The following KCTD8 variants were observed in gnomAD, a reference collection of about 807,000 sequenced individuals.
The protein encoded by KCTD8 is BTB/POZ domain-containing protein KCTD8.
A neutral mutation model predicts 31.5 loss-of-function variants in KCTD8; 27 were observed. That is an observed-to-expected ratio of 0.86 (90% CI 0.63 to 1.18). The LOEUF is 1.18. Among genes scored for constraint, KCTD8 ranks in the 50% most tolerant of loss-of-function variants. KCTD8 has a pLI of 0.00. For synonymous variants in KCTD8, 290 were observed against 280.0 expected (o/e 1.04, Z -0.36); for missense variants, 658 against 647.7 (o/e 1.02, Z -0.17).
Position 44,448,239 on chromosome 4 carries a change from C to T in KCTD8, c.285G>A (p.Ala95=). 1 of 1,611,412 alleles carries T rather than the reference C, an allele frequency of 6.2e-7. No homozygotes were observed. The highest frequency in any genetic ancestry group is 8.5e-7 in the Non-Finnish European group (1 of 1,179,292). Residue 95 remains alanine (A), a synonymous_variant, in exon 1 of 2, where the codon GCG becomes GCA. Transcript: ENST00000360029. This position sits in a 1 kb window ranked among gnomAD's most constrained non-coding sequence, Gnocchi z 4.1. ...RRGELPRDSR[A]RFFIDRDGFL... is the part of the protein sequence containing the mutation. ...AGCCGTCCCGGTCGATGAAGAAGCG[C>T]GCCCGGCTGTCCCTGGGCAGCTCGC...
chr4:44,403,890 A>C (rs1720724283), intron 1 of KCTD8, among the ~76,000 whole-genome samples: 2 of 152,082 alleles, frequency 1.3e-5, no homozygotes, highest in African/African-American at 4.8e-5. Context: ...AAATGTTTTT[A>C]CAGTGTTTGT....
intron 1 of KCTD8, among the ~76,000 whole-genome samples, chr4:44,363,016 T>A (rs1035685871): frequency 6.6e-6 from 1 of 152,140 alleles, no homozygotes; most frequent in African/African-American, 2.4e-5. Flanking sequence ...TATATGGCTT[T>A]AAATTATTTT....
At chr4:44,305,144 G>T (rs1275566401) in intron 1 of KCTD8, among the ~76,000 whole-genome samples, 1 of 151,306 alleles carries the variant, frequency 6.6e-6, no homozygotes, top group African/African-American at 2.4e-5. Flanking sequence ...AAAAATAAAA[G>T]AACAGAATTC....
intron 1 of KCTD8, among the ~76,000 whole-genome samples, chr4:44,333,811 A>C (rs1474688961): frequency 6.6e-6 from 1 of 152,146 alleles, no homozygotes; most frequent in Admixed American, 6.5e-5. Context: ...CAAAAGCATA[A>C]GGCAAATCCA....
chr4:44,303,061 G>C (rs1480377483), intron 1 of KCTD8, among the ~76,000 whole-genome samples: 1 of 152,184 alleles, frequency 6.6e-6, no homozygotes, highest in African/African-American at 2.4e-5. Context: ...GCATCCCAGG[G>C]ATGAAGCCCA....
At chr4:44,264,449 G>A (rs1716274122) in intron 1 of KCTD8, among the ~76,000 whole-genome samples, 1 of 152,138 alleles carries the variant, frequency 6.6e-6, no homozygotes, top group African/African-American at 2.4e-5. Context: ...TAAAGTCCCA[G>A]AAGGCAACCT....
intron 1 of KCTD8, among the ~76,000 whole-genome samples, chr4:44,419,096 T>C (rs1185668155): frequency 6.6e-6 from 1 of 152,136 alleles, no homozygotes; most frequent in Non-Finnish European, 1.5e-5. Flanking sequence ...TTTTGAATAT[T>C]CCAAATCTCC....
At chr4:44,433,326 G>A (rs1212443389) in intron 1 of KCTD8, among the ~76,000 whole-genome samples, 1 of 151,664 alleles carries the variant, frequency 6.6e-6, no homozygotes, top group Non-Finnish European at 1.5e-5. Flanking sequence ...AGACTCCCAT[G>A]AATTGGAGAT....
chr4:44,381,523 A>C (rs1720066391), intron 1 of KCTD8, among the ~76,000 whole-genome samples: 1 of 152,142 alleles, frequency 6.6e-6, no homozygotes, highest in Non-Finnish European at 1.5e-5. Context: ...GCTATACTTA[A>C]GTCAAATAAA....
intron 1 of KCTD8, among the ~76,000 whole-genome samples, chr4:44,395,343 GC>G (rs1393373137): frequency 1.3e-5 from 2 of 152,082 alleles, no homozygotes; most frequent in African/African-American, 4.8e-5. Flanking sequence ...AGCTGCATAA[GC>G]TAGGGGCCGA....
At chr4:44,309,164 T>C (rs1717883358) in intron 1 of KCTD8, among the ~76,000 whole-genome samples, 1 of 151,848 alleles carries the variant, frequency 6.6e-6, no homozygotes, top group Non-Finnish European at 1.5e-5. Flanking sequence ...GTCCTCCAAA[T>C]AGGGGGAATT....
intron 1 of KCTD8, among the ~76,000 whole-genome samples, chr4:44,220,605 G>A (rs1477286174): frequency 2.6e-5 from 4 of 152,178 alleles, no homozygotes; most frequent in Admixed American, 6.5e-5. Context: ...TCCAAAAAGA[G>A]ATGTATCTTG....
chr4:44,325,976 C>G (rs571018125), intron 1 of KCTD8, among the ~76,000 whole-genome samples: 1 of 152,056 alleles, frequency 6.6e-6, no homozygotes, highest in South Asian at 2.1e-4. Flanking sequence ...TTGAGACAGA[C>G]TTTCTGAATG....
At chr4:44,368,462 T>C (rs958995359) in intron 1 of KCTD8, among the ~76,000 whole-genome samples, 3 of 152,074 alleles carry the variant, frequency 2.0e-5, no homozygotes, top group Non-Finnish European at 2.9e-5. Flanking sequence ...ATTCAACCAA[T>C]TACCACTGAA....
At chr4:44,349,740 A>G (rs985146756) in intron 1 of KCTD8, among the ~76,000 whole-genome samples, 1 of 152,138 alleles carries the variant, frequency 6.6e-6, no homozygotes, top group Non-Finnish European at 1.5e-5. Flanking sequence ...TTTTCCAAGT[A>G]ATTTTCCAAA....
At chr4:44,320,739 C>A (rs2109405812) in intron 1 of KCTD8, among the ~76,000 whole-genome samples, 1 of 145,118 alleles carries the variant, frequency 6.9e-6, no homozygotes, top group East Asian at 2.0e-4. Flanking sequence ...TGCTAATGAA[C>A]ATATAATAAA....
intron 1 of KCTD8, among the ~76,000 whole-genome samples, chr4:44,273,926 T>C (rs1476039299): frequency 6.6e-6 from 1 of 151,928 alleles, no homozygotes; most frequent in Non-Finnish European, 1.5e-5. Context: ...AAACATAGAT[T>C]GTTATTATCT....
chr4:44,214,266 C>T (rs542634685), intron 1 of KCTD8, among the ~76,000 whole-genome samples: 1 of 152,220 alleles, frequency 6.6e-6, no homozygotes, highest in South Asian at 2.1e-4. Flanking sequence ...TGTAGCCCAG[C>T]CAAAGGAGCT....
intron 1 of KCTD8, among the ~76,000 whole-genome samples, chr4:44,276,007 A>G (rs1336541888): frequency 6.6e-6 from 1 of 152,018 alleles, no homozygotes; most frequent in Non-Finnish European, 1.5e-5. Context: ...TTCTTATTTC[A>G]TGAGAGTCAG....
Sources: gnomAD v4.1 joint callset for allele counts (sites outside exome capture counted in the v4.1 genomes callset) on GRCh38, gnomAD v4.1.1 for gene constraint, Gnocchi (gnomAD v3.1) non-coding constraint, MANE v1.5 for transcripts, NCBI Gene and HGNC (gene_info 2026-07-23, HGNC 2026-07-21) for gene names.